Variants in ARAP1 observed in about 807,000 individuals in gnomAD.
ARAP1 encodes the protein ArfGAP with RhoGAP domain, ankyrin repeat and PH domain 1.
ARAP1 carries 76 observed loss-of-function variants against 172.2 expected under a neutral mutation model. That is an observed-to-expected ratio of 0.44 (90% CI 0.37 to 0.53). ARAP1 has a LOEUF of 0.53. Ranked by LOEUF, ARAP1 falls within the 20% of genes least tolerant of loss-of-function variation. ARAP1 has a pLI of 0.00. For missense variants in ARAP1, 1,686 were observed against 1,977.5 expected (o/e 0.85, Z 2.80); for synonymous variants, 804 against 803.3 (o/e 1.00, Z -0.01).
rs866656370 is a variant in ARAP1 at position 72,693,953 on chromosome 11, C to A, written c.3695-148G>T. Reference sequence around the variant, plus strand: ...CACAAAACACCACCATCATGACCACCCTTCCCATGACCAAGCTTCAGGCTT... The same window carrying A: ...CACAAAACACCACCATCATGACCACACTTCCCATGACCAAGCTTCAGGCTT... On this transcript the variant is annotated intron_variant, in intron 27 of 34. Transcript: ENST00000393609. The surrounding 1 kb of genome is among the most constrained non-coding windows in gnomAD (Gnocchi z 4.6). 5.0e-5 allele frequency: 32 copies of A among 639,048 alleles called. No homozygotes were observed. Among genetic ancestry groups the A allele is most frequent in the African/African-American group, 4.2e-4 (23 of 54,316 alleles). 39.6% of individuals were successfully genotyped at this position (639,048 alleles called of 1,614,324 possible).
intron 11 of ARAP1, among the ~76,000 whole-genome samples, chr11:72,709,238 G>A (rs540338072): frequency 2.0e-5 from 3 of 152,270 alleles, no homozygotes; most frequent in Non-Finnish European, 4.4e-5. Flanking sequence ...GGTTGGGAGT[G>A]ATGCTAGTGT....
Position 72,703,084 on chromosome 11 carries a change from G to A in ARAP1, c.1993-5C>T, listed in dbSNP as rs1223174186. 1 of 1,556,422 alleles carries A rather than the reference G, an allele frequency of 6.4e-7. No homozygotes were observed. Among genetic ancestry groups the A allele is most frequent in the Non-Finnish European group, 8.7e-7 (1 of 1,153,202 alleles). ...GGTGACTGCAGCACACAGGGCCTAGGAAGAGGCAGGGGAGGGTCAGCCCAA... is the reference window on the plus strand; with the variant it reads ...GGTGACTGCAGCACACAGGGCCTAGAAAGAGGCAGGGGAGGGTCAGCCCAA... On this transcript the variant is annotated splice_polypyrimidine_tract_variant and splice_region_variant and intron_variant, in intron 14 of 34. Transcript: ENST00000393609.
Position 72,701,793 on chromosome 11 carries a change from C to G in ARAP1, c.2168-10G>C, listed in dbSNP as rs144479285. 6.2e-7 allele frequency: 1 copy of G among 1,612,136 alleles called. No homozygotes were observed. Among genetic ancestry groups the G allele is most frequent in the African/African-American group, 1.3e-5 (1 of 74,992 alleles). The stretch of plus-strand genomic sequence containing the variant: ...TCCAGCCGAGGCACCTCTTTGTAGG[C>G]GGGGAAAGGATGGCAGGTCATGCTG... On this transcript the variant is annotated splice_polypyrimidine_tract_variant and intron_variant, in intron 15 of 34. Transcript: ENST00000393609.
rs543052297 is a variant in ARAP1, at chr11:72,699,302, G to A, written c.2438+115C>T. ...TGGAGTCGGCCCTTGTGCAGCCTCC[G>A]TTTGCTGTGTGACTCTGCGGAGGTC... On this transcript the variant is annotated intron_variant, in intron 17 of 34. Coordinates refer to ENST00000393609, the MANE Select transcript of ARAP1 (RefSeq NM_001040118.3). This position sits in a 1 kb window ranked among gnomAD's most constrained non-coding sequence, Gnocchi z 4.2. The A allele has an allele frequency of 5.3e-5, 81 of 1,515,952 alleles. No homozygotes were observed. In the Middle Eastern group the frequency reaches 5.6e-4, roughly 11 times the overall value. The allele number at this position is 1,515,952 out of a possible 1,614,324, so 93.9% of individuals were successfully genotyped here. A position where few individuals can be genotyped will look rare whatever the true frequency, so the allele number is the denominator to read the frequency against.
intron 3 of ARAP1, chr11:72,722,016 T>C (rs1857533595): frequency 2.0e-6 from 2 of 985,732 alleles, no homozygotes; most frequent in African/African-American, 1.7e-5. Context: ...TGAGGCTGCG[T>C]TCTCTTGGAG....
chr11:72,712,952 A>T (rs1399731388), intron 5 of ARAP1: 1 of 608,084 alleles, frequency 1.6e-6, no homozygotes, highest in Non-Finnish European at 2.9e-6. Context: ...ACCCACATAC[A>T]GCCAGGGCCT....
At position 72,686,098 on chromosome 11, in the gene ARAP1, C is replaced by T; in HGVS notation, c.4279G>A (p.Gly1427Ser). The T allele has an allele frequency of 6.2e-7, 1 of 1,614,110 alleles. No homozygotes were observed. The highest frequency in any genetic ancestry group is 1.6e-4 in the Middle Eastern group (1 of 6,062). ...CTCCGGCGCATTTCATTTTCACTAC[C>T]TCGAAGGGGGATCAGTGACACACTA... ...LGSVSLIPLR[G>S]SENEMRRSVA... Residue 1427 changes from glycine to serine, a missense_variant, in exon 34 of 35, where the codon GGT (glycine) becomes AGT (serine). Physicochemically the swap from Gly to Ser is moderately conservative, Grantham distance 56. This residue lies in a region of ARAP1 where 379 missense variants were observed against 500.1 expected (regional missense o/e 0.76). Coordinates refer to ENST00000393609, the MANE Select transcript of ARAP1 (RefSeq NM_001040118.3).
rs150013910 is a variant in ARAP1, at chr11:72,702,952, G to A, written c.2120C>T (p.Ala707Val). 2.3e-3 allele frequency: 3,586 copies of A among 1,566,652 alleles called. 11 individuals carry two copies. Among genetic ancestry groups the A allele is most frequent in the Non-Finnish European group, 2.7e-3 (3,100 of 1,155,228 alleles). ...APTPLALAEQ[A>V]GQTLQMEFLR... The stretch of plus-strand genomic sequence containing the variant: ...GAATTCCATCTGCAGCGTCTGCCCC[G>A]CCTGCTCTGCAAGAGCCAGGGGCGT... Residue 707 changes from alanine (A) to valine (V), a missense_variant, in exon 15 of 35, where the codon GCG becomes GTG. Around this residue, in one of 5 missense-constraint regions of ARAP1, gnomAD observed 688 missense variants for 856.9 expected, o/e 0.80. Coordinates refer to ENST00000393609, the MANE Select transcript of ARAP1 (RefSeq NM_001040118.3).
chr11:72,723,578 G>C (rs956990067), intron 3 of ARAP1, among the ~76,000 whole-genome samples: 2 of 152,306 alleles, frequency 1.3e-5, no homozygotes, highest in Middle Eastern at 3.4e-3. Context: ...GATGACGTAG[G>C]TTGGGTAGTA....
At position 72,727,121 on chromosome 11, in the gene ARAP1, T is replaced by A. The variant is rs1283630998; in HGVS notation, c.8A>T (p.Glu3Val). Residue 3 changes from glutamate (E) to valine (V), a missense_variant, in exon 3 of 35, where the codon GAG becomes GTG. This residue lies in a region of ARAP1 where 190 missense variants were observed against 228.6 expected (regional missense o/e 0.83). Transcript: ENST00000393609. Reference protein sequence around the residue: MAEAGDAALSVAE... With the variant: MAVAGDAALSVAE... ...CACCGATAGCGCAGCATCCCCAGCC[T>A]CTGCCATGGTTCCTGCCAGCGGAGG... 1.9e-5 allele frequency: 30 copies of A among 1,584,968 alleles called. No homozygotes were observed. Among genetic ancestry groups the A allele is most frequent in the Non-Finnish European group, 2.5e-5 (29 of 1,161,478 alleles).
chr11:72,712,686 G>A (rs1397482815), intron 5 of ARAP1, 118 bp from the exon 6 acceptor site: 2 of 1,525,350 alleles, frequency 1.3e-6, no homozygotes, highest in South Asian at 1.1e-5. Flanking sequence ...AGCACTTTTA[G>A]TTCTGTTTCC....
At chr11:72,702,739 C>T (rs548516319) in intron 15 of ARAP1, among the ~76,000 whole-genome samples, 166 bp downstream of exon 15, 11 of 152,310 alleles carry the variant, frequency 7.2e-5, no homozygotes, top group East Asian at 1.9e-4. Flanking sequence ...AACATGCATA[C>T]GTAGTACAAA....
At chr11:72,750,293 G>A (rs1305757426) in intron 1 of ARAP1, among the ~76,000 whole-genome samples, 1 of 152,226 alleles carries the variant, frequency 6.6e-6, no homozygotes, top group Non-Finnish European at 1.5e-5. Context: ...GGCGGGCCTG[G>A]AGCCCAGGGC....
chr11:72,707,821 G>T (rs1856837408), intron 11 of ARAP1, among the ~76,000 whole-genome samples: 1 of 152,000 alleles, frequency 6.6e-6, no homozygotes, highest in Non-Finnish European at 1.5e-5. Context: ...GGAAGAGGAA[G>T]TCAAAGTGTA....
Position 72,710,389 on chromosome 11 carries a change from A to G in ARAP1, c.1412T>C (p.Leu471Pro). 6.2e-7 allele frequency: 1 copy of G among 1,613,946 alleles called. No homozygotes were observed. The highest frequency in any genetic ancestry group is 8.5e-7 in the Non-Finnish European group (1 of 1,179,924). ...GGTTCCATGACCCCTTAGCACCTCT[A>G]GATTCTTGTAGAGCTGCACTTTGTC... is the stretch of plus-strand genomic sequence containing the variant. ...VGDKVQLYKNLEEYHLGIGIT... is the reference protein window; with the variant it reads ...VGDKVQLYKNPEEYHLGIGIT... The change falls in exon 10 of 35, where the codon CTA becomes CCA. Residue 471 changes from leucine to proline, a missense_variant. Physicochemically the swap from Leu to Pro is moderately conservative, Grantham distance 98. Transcript: ENST00000393609. The surrounding 1 kb of genome is among the most constrained non-coding windows in gnomAD (Gnocchi z 4.3).
intron 1 of ARAP1, among the ~76,000 whole-genome samples, chr11:72,750,493 C>G (rs766317164): frequency 1.3e-5 from 2 of 152,140 alleles, no homozygotes; most frequent in Non-Finnish European, 2.9e-5. Flanking sequence ...AGACACCCCC[C>G]CAACCCCTCT....
chr11:72,713,110 G>T, intron 5 of ARAP1, 66 bp downstream of exon 5: 2 of 1,524,204 alleles, frequency 1.3e-6, no homozygotes, highest in Non-Finnish European at 1.8e-6. Flanking sequence ...AGTCCTCAGG[G>T]TCTGACAGGC....
At chr11:72,692,048 G>A (rs1348849765) in intron 30 of ARAP1, among the ~76,000 whole-genome samples, 1 of 152,190 alleles carries the variant, frequency 6.6e-6, no homozygotes, top group Non-Finnish European at 1.5e-5. Flanking sequence ...TTCACCTCCT[G>A]TTGCACGGCC....
Position 72,697,140 on chromosome 11 carries a change from CCG to C in ARAP1, c.3007_3008del (p.Arg1003AlafsTer23). 2 of 1,605,892 alleles carry C rather than the reference CCG, an allele frequency of 1.2e-6. No individual in the cohort carries two copies. Among genetic ancestry groups the C allele is most frequent in the Non-Finnish European group, 1.7e-6 (2 of 1,179,898 alleles). ...RKCGQTSKTQRLLESLRQDAR... is the reference protein window; with the variant it reads ...RKCGQTSKTQXLLESLRQDAR... The stretch of plus-strand genomic sequence containing the variant: ...CATCCTGCCGCAGGCTCTCCAGCAG[CCG>C]CTGTGTCTTCGATGTCTGCCCACAC... On this transcript the variant is annotated frameshift_variant, in exon 22 of 35. Coordinates refer to ENST00000393609, the MANE Select transcript of ARAP1 (RefSeq NM_001040118.3). LOFTEE classifies it high-confidence loss of function.
Sources: allele counts gnomAD v4.1 joint callset (sites outside exome capture counted in the v4.1 genomes callset), GRCh38; gene constraint gnomAD v4.1.1; regional missense constraint gnomAD v4.1.1; non-coding constraint Gnocchi (gnomAD v3.1); transcripts MANE v1.5; gene names NCBI Gene and HGNC (gene_info 2026-07-23, HGNC 2026-07-21).